Variants in NAV2 observed in about 807,000 individuals in gnomAD.
The protein encoded by NAV2 is neuron navigator 2.
NAV2 carries 54 observed loss-of-function variants against 223.2 expected under a neutral mutation model. The observed-to-expected ratio is 0.24, with a 90% CI of 0.19 to 0.30. The LOEUF (loss-of-function observed/expected upper bound fraction) is 0.30. Ranked by LOEUF, NAV2 falls within the 10% of genes least tolerant of loss-of-function variation. NAV2 has a pLI of 1.00. For synonymous variants in NAV2, 1,279 were observed against 1,239.3 expected (o/e 1.03, Z -0.67); for missense variants, 2,806 against 3,147.5 (o/e 0.89, Z 2.60).
intron 1 of NAV2, among the ~76,000 whole-genome samples, chr11:19,726,448 C>T (rs964046955): frequency 2.0e-5 from 3 of 152,214 alleles, no homozygotes; most frequent in African/African-American, 4.8e-5. Flanking sequence ...GGCCTTTGCA[C>T]TTGCTGCTCT....
At chr11:19,731,096 A>T (rs980070445) in intron 1 of NAV2, among the ~76,000 whole-genome samples, 1 of 152,162 alleles carries the variant, frequency 6.6e-6, no homozygotes, top group South Asian at 2.1e-4. Context: ...GACCCTACCC[A>T]AGGCAGCCAT....
chr11:19,466,920 ACT>A (rs1247887383), intron 1 of NAV2, among the ~76,000 whole-genome samples: 2 of 146,828 alleles, frequency 1.4e-5, no homozygotes. Flanking sequence ...AATTCTGAGA[ACT>A]CTCTCTCTCT....
intron 5 of NAV2, chr11:19,884,402 C>A: frequency 2.6e-6 from 4 of 1,530,362 alleles, no homozygotes; most frequent in Non-Finnish European, 2.7e-6. Context: ...TGGTTTAATC[C>A]CAACCCACTG....
At chr11:19,407,203 C>T (rs771768820) in intron 1 of NAV2, among the ~76,000 whole-genome samples, 1 of 152,168 alleles carries the variant, frequency 6.6e-6, no homozygotes, top group African/African-American at 2.4e-5. Context: ...CCGTTTCAGG[C>T]ATTTTGCAGG....
chr11:19,849,660 A>C (rs533174371), intron 3 of NAV2, among the ~76,000 whole-genome samples: 5 of 152,294 alleles, frequency 3.3e-5, no homozygotes, highest in African/African-American at 4.8e-5. Flanking sequence ...TGGGCAGCTG[A>C]GTTGCCTCTT....
upstream of NAV2, among the ~76,000 whole-genome samples, chr11:19,346,616 T>A (rs1853028245): frequency 6.6e-6 from 1 of 152,238 alleles, no homozygotes; most frequent in Non-Finnish European, 1.5e-5. Context: ...TGATCCTTTC[T>A]TTTCTTCAGG....
At chr11:19,798,291 T>C (rs909194989) in intron 1 of NAV2, among the ~76,000 whole-genome samples, 5 of 152,242 alleles carry the variant, frequency 3.3e-5, no homozygotes, top group African/African-American at 1.2e-4. Context: ...TGCTCAGACG[T>C]GACTGCTTGA....
intron 1 of NAV2, among the ~76,000 whole-genome samples, chr11:19,441,496 C>T (rs1460199086): frequency 6.6e-6 from 1 of 151,918 alleles, no homozygotes; most frequent in Non-Finnish European, 1.5e-5. Flanking sequence ...TGACAATGCC[C>T]TGTGTACAGA....
chr11:19,440,771 T>G (rs1290512550), intron 1 of NAV2, among the ~76,000 whole-genome samples: 4 of 152,200 alleles, frequency 2.6e-5, no homozygotes, highest in Non-Finnish European at 5.9e-5. Flanking sequence ...GGTGATTGAC[T>G]AACTCAATGA....
At chr11:19,831,633 C>T (rs11025278) in intron 1 of NAV2, among the ~76,000 whole-genome samples, 98,278 of 152,004 alleles carry the variant, frequency 0.65, 32,621 homozygotes, top group African/African-American at 0.79. Flanking sequence ...GCTTTGATGG[C>T]TGGGGAGAAA....
intron 19 of NAV2, among the ~76,000 whole-genome samples, chr11:20,057,258 C>T (rs2058422140): frequency 6.6e-6 from 1 of 152,206 alleles, no homozygotes; most frequent in African/African-American, 2.4e-5. Context: ...CAGGATTCTG[C>T]TTTTGCCTAG....
intron 1 of NAV2, among the ~76,000 whole-genome samples, chr11:19,560,086 T>C (rs1157701038): frequency 6.6e-6 from 1 of 152,260 alleles, no homozygotes. Flanking sequence ...TTCCAAGTTA[T>C]GACTTTCTAA....
intron 1 of NAV2, among the ~76,000 whole-genome samples, chr11:19,755,943 G>A (rs2054198329): frequency 6.6e-6 from 1 of 152,202 alleles, no homozygotes; most frequent in Non-Finnish European, 1.5e-5. Context: ...CAGCAGGCTG[G>A]ACAAGATAAC....
At chr11:19,632,075 G>A (rs912562739) in intron 1 of NAV2, among the ~76,000 whole-genome samples, 4 of 152,148 alleles carry the variant, frequency 2.6e-5, no homozygotes, top group African/African-American at 9.7e-5. Flanking sequence ...GGGGGTGTGG[G>A]GAATAGCTAT....
chr11:19,431,388 G>A (rs1194131311), intron 1 of NAV2, among the ~76,000 whole-genome samples: 2 of 152,220 alleles, frequency 1.3e-5, no homozygotes, highest in Non-Finnish European at 2.9e-5. Context: ...AGGAGGTCCT[G>A]GGGGTGGGCA....
chr11:19,405,901 G>A (rs1395700693), intron 1 of NAV2, among the ~76,000 whole-genome samples: 1 of 152,152 alleles, frequency 6.6e-6, no homozygotes, highest in African/African-American at 2.4e-5. Flanking sequence ...ATCTAGGAGG[G>A]ATGTCATAGT....
intron 14 of NAV2, among the ~76,000 whole-genome samples, chr11:20,046,889 A>G (rs1001528084): frequency 1.3e-5 from 2 of 152,232 alleles, no homozygotes; most frequent in East Asian, 3.8e-4. Flanking sequence ...ATAAGAAAGA[A>G]TAAGTCCCAA....
chr11:19,893,139 T>C (rs1341767499), intron 6 of NAV2, among the ~76,000 whole-genome samples: 1 of 44,306 alleles, frequency 2.3e-5, no homozygotes, highest in East Asian at 7.2e-4. Context: ...TAAAAGGATA[T>C]GGATTTTTTT....
chr11:19,578,273 G>A (rs1035836581), intron 1 of NAV2, among the ~76,000 whole-genome samples: 10 of 152,246 alleles, frequency 6.6e-5, no homozygotes, highest in African/African-American at 2.4e-4. Context: ...TGTAGCTGCT[G>A]TAATGGCTTT....
Sources: allele counts gnomAD v4.1 joint callset (sites outside exome capture counted in the v4.1 genomes callset), GRCh38; gene constraint gnomAD v4.1.1; transcripts MANE v1.5; gene names NCBI Gene and HGNC (gene_info 2026-07-23, HGNC 2026-07-21).